The following MAGEC3 variants were observed in gnomAD, a reference collection of about 807,000 sequenced individuals.
The protein encoded by MAGEC3 is melanoma-associated antigen C3.
In MAGEC3, 34 loss-of-function variants were observed where a neutral mutation model predicts 35.3. That is an observed-to-expected ratio of 0.96 (90% CI 0.73 to 1.28). The LOEUF (loss-of-function observed/expected upper bound fraction) is 1.28, where lower values mean the gene tolerates loss of function less well. Among genes scored for constraint, MAGEC3 ranks in the 50% most tolerant of loss-of-function variants. The pLI is 0.00. For missense variants in MAGEC3, 561 were observed against 483.6 expected (o/e 1.16, Z -1.50); for synonymous variants, 202 against 185.6 (o/e 1.09, Z -0.72).
At position 141,846,379 on chromosome X, in the gene MAGEC3, C is replaced by T. The variant is rs567607174; in HGVS notation, c.123+7941C>T. Reference sequence around the variant, plus strand: ...GTGGGTGATGAGATTTAACAACAGGCGAGTTGCTACAATATACAAATCTCT... The same window carrying T: ...GTGGGTGATGAGATTTAACAACAGGTGAGTTGCTACAATATACAAATCTCT... On this transcript the variant is annotated intron_variant, in intron 1 of 7. Coordinates refer to ENST00000298296, the MANE Select transcript of MAGEC3 (RefSeq NM_138702.1). 8.2e-5 allele frequency among the ~76,000 whole-genome samples: 9 copies of T among 109,838 alleles called. No homozygotes were observed. In the South Asian group the frequency reaches 1.9e-3, roughly 24 times the overall value.
intron 4 of MAGEC3, 40 bp downstream of exon 4, chrX:141,881,836 AGGGAGCT>A (rs765313395): frequency 4.1e-6 from 5 of 1,207,946 alleles, no homozygotes; most frequent in Non-Finnish European, 5.6e-6. Flanking sequence ...TCGGGAGCCC[AGGGAGCT>A]TGTCACTAAA....
At chrX:141,856,031 G>A (rs752742771) in intron 1 of MAGEC3, among the ~76,000 whole-genome samples, 1 of 111,626 alleles carries the variant, frequency 9.0e-6, no homozygotes, top group Non-Finnish European at 1.9e-5. Context: ...GGCTAAAGGT[G>A]TCCAGGTTGT....
At chrX:141,882,901 T>C (rs1234177859) in intron 4 of MAGEC3, among the ~76,000 whole-genome samples, 1 of 111,923 alleles carries the variant, frequency 8.9e-6, no homozygotes, top group Non-Finnish European at 1.9e-5. Flanking sequence ...GTCCCTGAGC[T>C]AAGGTAGTGT....
chrX:141,875,317 T>C (rs1484924816), intron 2 of MAGEC3, among the ~76,000 whole-genome samples: 1 of 111,637 alleles, frequency 9.0e-6, no homozygotes, highest in Non-Finnish European at 1.9e-5. Flanking sequence ...AAAGTCACAT[T>C]GAGCTATTAT....
intron 4 of MAGEC3, among the ~76,000 whole-genome samples, chrX:141,888,865 G>A (rs1303532849): frequency 8.9e-6 from 1 of 112,176 alleles, no homozygotes; most frequent in Non-Finnish European, 1.9e-5. Flanking sequence ...CTTGTAGCAA[G>A]TTGATTATAT....
intron 1 of MAGEC3, among the ~76,000 whole-genome samples, chrX:141,856,374 C>T (rs1721430650): frequency 9.0e-6 from 1 of 110,829 alleles, no homozygotes; most frequent in African/African-American, 3.3e-5. Flanking sequence ...GAAAATTTGC[C>T]ATATTTGCAA....
At chrX:141,896,535 T>G (rs1052151232) in intron 6 of MAGEC3, 29 of 1,190,418 alleles carry the variant, frequency 2.4e-5, no homozygotes, top group Admixed American at 9.0e-5. Context: ...AGAACCATCA[T>G]AGGTGAGTTT....
intron 2 of MAGEC3, among the ~76,000 whole-genome samples, chrX:141,878,705 G>A (rs770943949): frequency 1.8e-5 from 2 of 111,643 alleles, no homozygotes; most frequent in East Asian, 2.9e-4. Flanking sequence ...AGAAACAGAA[G>A]GACACACAAA....
chrX:141,892,937 AAC>A (rs199937809), intron 4 of MAGEC3, among the ~76,000 whole-genome samples: 287 of 112,645 alleles, frequency 2.5e-3, no homozygotes, highest in African/African-American at 9.1e-3. Flanking sequence ...AGTTTTGTGA[AAC>A]ACATATCTGA....
chrX:141,862,851 G>C (rs1360564507), intron 1 of MAGEC3, among the ~76,000 whole-genome samples: 2 of 111,699 alleles, frequency 1.8e-5, no homozygotes, highest in East Asian at 2.8e-4. Context: ...CATACAGTTA[G>C]GTAGAATTAA....
intron 1 of MAGEC3, among the ~76,000 whole-genome samples, chrX:141,857,110 T>C (rs2017785677): frequency 9.0e-6 from 1 of 110,878 alleles, no homozygotes; most frequent in African/African-American, 3.3e-5. Context: ...ATCGACCCTT[T>C]TATGTGCTTA....
chrX:141,859,137 C>G (rs1216223300), intron 1 of MAGEC3, among the ~76,000 whole-genome samples: 1 of 109,014 alleles, frequency 9.2e-6, no homozygotes, highest in African/African-American at 3.3e-5. Context: ...CATTTTGTAC[C>G]TATGAGACAG....
At chrX:141,866,591 A>G (rs1408938902) in intron 2 of MAGEC3, among the ~76,000 whole-genome samples, 4 of 112,471 alleles carry the variant, frequency 3.6e-5, no homozygotes, top group Non-Finnish European at 7.5e-5. Context: ...TCCTTCCTGG[A>G]TATAGGCCCA....
chrX:141,889,602 C>A (rs1319665437), intron 4 of MAGEC3, among the ~76,000 whole-genome samples: 1 of 111,988 alleles, frequency 8.9e-6, no homozygotes, highest in East Asian at 2.8e-4. Context: ...CACTACTCTG[C>A]AAGGGAGGTG....
At chrX:141,889,130 G>A (rs182533907) in intron 4 of MAGEC3, among the ~76,000 whole-genome samples, 2 of 112,045 alleles carry the variant, frequency 1.8e-5, no homozygotes, top group South Asian at 3.7e-4. Context: ...GTTCCCCATC[G>A]TCCTGAAGCA....
In MAGEC3 at chrX:141,872,588, G is replaced by A. The variant is rs188852833; in HGVS notation, c.259-6587G>A. ...GGTACCAGGAGAAAGCCAGGAGAAGGCAAATTTTACCAGCCGGCTGAATTA... is the reference window on the plus strand; with the variant it reads ...GGTACCAGGAGAAAGCCAGGAGAAGACAAATTTTACCAGCCGGCTGAATTA... On this transcript the variant is annotated intron_variant, in intron 2 of 7. Coordinates refer to ENST00000298296, the MANE Select transcript of MAGEC3 (RefSeq NM_138702.1). 3.3e-3 allele frequency among the ~76,000 whole-genome samples: 373 copies of A among 111,416 alleles called. 8 individuals are homozygous for A. Among genetic ancestry groups the A allele is most frequent in the Admixed American group, 0.03 (314 of 10,562 alleles).
intron 7 of MAGEC3, 32 bp downstream of exon 7, chrX:141,897,518 G>A: frequency 8.4e-7 from 1 of 1,197,084 alleles, no homozygotes. Flanking sequence ...TTTATATATG[G>A]GGATCCCAGA....
chrX:141,880,323 T>C (rs12006853), intron 3 of MAGEC3, among the ~76,000 whole-genome samples: 6,917 of 110,013 alleles, frequency 0.063, 556 homozygotes, highest in African/African-American at 0.21. Flanking sequence ...GAGTTTTGGC[T>C]AGAAGAGTGG....
At chrX:141,891,953 G>A (rs1420175812) in intron 4 of MAGEC3, among the ~76,000 whole-genome samples, 3 of 109,852 alleles carry the variant, frequency 2.7e-5, no homozygotes, top group African/African-American at 9.9e-5. Context: ...TATGATGGGA[G>A]TCATTTTAAA....
Sources: allele counts gnomAD v4.1 joint callset (sites outside exome capture counted in the v4.1 genomes callset), GRCh38; gene constraint gnomAD v4.1.1; transcripts MANE v1.5; gene names NCBI Gene and HGNC (gene_info 2026-07-23, HGNC 2026-07-21).